Variants in LARGE1 observed in about 807,000 individuals in gnomAD.
LARGE1 encodes xylosyl- and glucuronyltransferase LARGE1.
Under a neutral mutation model 87.6 loss-of-function variants are expected in LARGE1, and 43 were observed. The ratio of observed to expected loss-of-function variants is 0.49; its 90% confidence interval spans 0.38 to 0.63. The LOEUF is 0.63. Ranked by LOEUF, LARGE1 falls within the 30% of genes least tolerant of loss-of-function variation. LARGE1 has a pLI of 0.00. For synonymous variants in LARGE1, 434 were observed against 394.6 expected (o/e 1.10, Z -1.18); for missense variants, 802 against 1,000.2 (o/e 0.80, Z 2.67).
intron 7 of LARGE1, among the ~76,000 whole-genome samples, chr22:33,391,653 C>T (rs1313916389): frequency 1.3e-5 from 2 of 151,920 alleles, no homozygotes; most frequent in African/African-American, 4.8e-5. Context: ...ATGTCCCCCT[C>T]TTCTCCCAAA....
intron 2 of LARGE1, among the ~76,000 whole-genome samples, chr22:33,696,925 C>T (rs1359088123): frequency 6.6e-6 from 1 of 152,134 alleles, no homozygotes; most frequent in Non-Finnish European, 1.5e-5. Flanking sequence ...ACTTAACTCC[C>T]ATTGTATCCC....
At position 33,433,620 on chromosome 22, in the gene LARGE1, A is replaced by C. The variant is rs1469258361; in HGVS notation, c.788-1355T>G. On this transcript the variant is annotated intron_variant, in intron 6 of 14. Transcript: ENST00000397394. ...CAAAAAACAAAACAAAAAAAAAAAA[A>C]AAAAAAAAAAGAAAGGGAAATTGAG... 4.0e-5 allele frequency among the ~76,000 whole-genome samples: 6 copies of C among 151,446 alleles called. No individual in the cohort carries two copies. In the East Asian group the frequency reaches 5.8e-4, roughly 15 times the overall value.
At chr22:33,404,788 G>A (rs1029619151) in intron 7 of LARGE1, among the ~76,000 whole-genome samples, 9 of 152,224 alleles carry the variant, frequency 5.9e-5, no homozygotes, top group African/African-American at 2.2e-4. Flanking sequence ...TAACCCCCAA[G>A]TAAGGGGGAA....
At chr22:33,812,385 T>C (rs1324107704) in intron 1 of LARGE1, among the ~76,000 whole-genome samples, 2 of 152,354 alleles carry the variant, frequency 1.3e-5, no homozygotes, top group East Asian at 3.9e-4. Flanking sequence ...TTTTGACATG[T>C]AATGTCTTCT....
intron 1 of LARGE1, among the ~76,000 whole-genome samples, chr22:33,821,234 C>T (rs768662202): frequency 6.6e-6 from 1 of 152,046 alleles, no homozygotes; most frequent in South Asian, 2.1e-4. Flanking sequence ...TAAGCACAGA[C>T]GATGTTGGTT....
At chr22:33,432,777 A>G (rs1468778719) in intron 6 of LARGE1, among the ~76,000 whole-genome samples, 1 of 152,180 alleles carries the variant, frequency 6.6e-6, no homozygotes, top group East Asian at 1.9e-4. Flanking sequence ...GTTTGCTGAG[A>G]CGAGAGCCCA....
chr22:33,440,564 T>C lies in LARGE1; in HGVS notation c.788-8299A>G, dbSNP rs191677257. Among the ~76,000 whole-genome samples, 15 of 152,356 alleles carry C rather than the reference T, an allele frequency of 9.8e-5. No individual in the cohort carries two copies. The East Asian group carries it at 2.9e-3, about 29-fold the overall frequency. On this transcript the variant is annotated intron_variant, in intron 6 of 14. Transcript: ENST00000397394. Reference sequence around the variant, plus strand: ...ACCTCATATTTATTCTAATAAGCTATTTTAAAATAGAAAAGCATTTAATAG... The same window carrying C: ...ACCTCATATTTATTCTAATAAGCTACTTTAAAATAGAAAAGCATTTAATAG...
chr22:33,754,614 G>T (rs1057265674), intron 2 of LARGE1, among the ~76,000 whole-genome samples: 1 of 152,152 alleles, frequency 6.6e-6, no homozygotes, highest in Non-Finnish European at 1.5e-5. Flanking sequence ...GGGATTACAG[G>T]CGTGAGCCAC....
intron 2 of LARGE1, among the ~76,000 whole-genome samples, chr22:33,727,844 G>A (rs764049978): frequency 2.0e-5 from 3 of 152,154 alleles, no homozygotes; most frequent in Non-Finnish European, 4.4e-5. Context: ...ACTTCCTGAG[G>A]CTTGGAAAGG....
intron 6 of LARGE1, among the ~76,000 whole-genome samples, chr22:33,533,834 T>C (rs2076964994): frequency 6.6e-6 from 1 of 152,170 alleles, no homozygotes; most frequent in Admixed American, 6.5e-5. Context: ...TAGGATCTTG[T>C]TCATATTTGA....
At chr22:33,676,326 C>T (rs1186975157) in intron 2 of LARGE1, among the ~76,000 whole-genome samples, 2 of 116,772 alleles carry the variant, frequency 1.7e-5, no homozygotes, top group South Asian at 2.8e-4. Context: ...TCAGAGAATA[C>T]GTCCAGCAGG....
In LARGE1 at chr22:33,458,355, T is replaced by C. The variant is rs967348208; in HGVS notation, c.788-26090A>G. Among the ~76,000 whole-genome samples, 45 of 151,888 alleles carry C rather than the reference T, an allele frequency of 3.0e-4. 1 individual carries two copies. The highest frequency in any genetic ancestry group is 2.1e-4 in the South Asian group (1 of 4,822). The stretch of plus-strand genomic sequence containing the variant: ...TCCTGACCTCATGATCCGCCCGCCT[T>C]GGCCTCCCAAAGTGCTGGGATTACA... On this transcript the variant is annotated intron_variant, in intron 6 of 14. Transcript: ENST00000397394.
chr22:33,183,651 C>T (rs546956817), intron 11 of LARGE1, among the ~76,000 whole-genome samples: 1 of 149,706 alleles, frequency 6.7e-6, no homozygotes, highest in South Asian at 2.1e-4. Context: ...CACACACACA[C>T]ACAGTATTTA....
chr22:33,572,152 A>T, intron 5 of LARGE1: 1 of 1,202,880 alleles, frequency 8.3e-7, no homozygotes, highest in Non-Finnish European at 1.1e-6. Context: ...TACCCATATT[A>T]ACATTTTGCT....
At chr22:33,602,124 G>A (rs1242216368) in intron 5 of LARGE1, among the ~76,000 whole-genome samples, 2 of 152,124 alleles carry the variant, frequency 1.3e-5, no homozygotes, top group African/African-American at 4.8e-5. Flanking sequence ...CTGTCATGTC[G>A]TGTACACTGA....
intron 7 of LARGE1, among the ~76,000 whole-genome samples, chr22:33,401,553 T>A (rs2065926366): frequency 1.3e-5 from 2 of 152,124 alleles, no homozygotes; most frequent in African/African-American, 4.8e-5. Context: ...GTGGTAGCCA[T>A]TTTTTTAGTA....
chr22:33,290,833 G>A (rs1932406933), intron 12 of LARGE1, among the ~76,000 whole-genome samples: 1 of 152,190 alleles, frequency 6.6e-6, no homozygotes. Context: ...GAGGTCAGGA[G>A]TTCGAGACCA....
chr22:33,423,321 T>C (rs1330394336), intron 7 of LARGE1, among the ~76,000 whole-genome samples: 2 of 152,080 alleles, frequency 1.3e-5, no homozygotes, highest in African/African-American at 4.8e-5. Context: ...TATTTTATAA[T>C]AATTTTATTT....
chr22:33,513,626 TTAAG>T (rs1433591351), intron 6 of LARGE1, among the ~76,000 whole-genome samples: 2 of 152,012 alleles, frequency 1.3e-5, no homozygotes, highest in Non-Finnish European at 2.9e-5. Flanking sequence ...AGAGAGGAAA[TTAAG>T]TAAAATCTGT....
Sources: gnomAD v4.1 joint callset for allele counts (sites outside exome capture counted in the v4.1 genomes callset) on GRCh38, gnomAD v4.1.1 for gene constraint, MANE v1.5 for transcripts, NCBI Gene and HGNC (gene_info 2026-07-23, HGNC 2026-07-21) for gene names.